The following EAF2 variants were observed in gnomAD, a reference collection of about 807,000 sequenced individuals.
EAF2 encodes ELL-associated factor 2.
EAF2 carries 29 observed loss-of-function variants against 29.4 expected under a neutral mutation model. The observed-to-expected ratio is 0.99, with a 90% CI of 0.73 to 1.35. EAF2 has a LOEUF of 1.35. Among genes scored for constraint, EAF2 ranks in the 40% most tolerant of loss-of-function variants. The pLI is 0.00. For missense variants in EAF2, 292 were observed against 312.0 expected, an observed-to-expected ratio of 0.94 and a Z score of 0.48; for synonymous variants, 103 against 102.5, an observed-to-expected ratio of 1.00 and a Z score of -0.03.
chr3:121,860,634 T>G (rs1336808779), intron 4 of EAF2, among the ~76,000 whole-genome samples: 1 of 152,190 alleles, frequency 6.6e-6, no homozygotes, highest in East Asian at 1.9e-4. Flanking sequence ...CTAGATTCAT[T>G]GATTTTTTTG....
intron 3 of EAF2, 80 bp from the exon 4 acceptor site, chr3:121,856,931 C>T: frequency 8.5e-7 from 1 of 1,176,016 alleles, no homozygotes; most frequent in African/African-American, 1.6e-5. Context: ...AATAAGTGGT[C>T]AGTTTTAGTA....
intron 2 of EAF2, among the ~76,000 whole-genome samples, chr3:121,849,106 G>T (rs775387135): frequency 6.6e-6 from 1 of 152,082 alleles, no homozygotes; most frequent in Non-Finnish European, 1.5e-5. Flanking sequence ...TAGGTTTTTT[G>T]TGGAAATGTA....
chr3:121,841,453 C>G (rs1303690282), intron 1 of EAF2, among the ~76,000 whole-genome samples: 1 of 134,478 alleles, frequency 7.4e-6, no homozygotes, highest in Non-Finnish European at 1.5e-5. Context: ...TACAGTGAGC[C>G]GAAATCGCGC....
At chr3:121,883,199 C>T (rs1321730952) in intron 5 of EAF2, among the ~76,000 whole-genome samples, 1 of 152,072 alleles carries the variant, frequency 6.6e-6, no homozygotes, top group South Asian at 2.1e-4. Context: ...ATATTATCAA[C>T]AATTTTTCTT....
At chr3:121,881,824 T>C (rs186727975) in intron 5 of EAF2, among the ~76,000 whole-genome samples, 1 of 152,280 alleles carries the variant, frequency 6.6e-6, no homozygotes, top group Admixed American at 6.5e-5. Context: ...ATTATAATTT[T>C]ATTAAAAAAT....
chr3:121,854,812 A>T lies in EAF2; in HGVS notation c.327A>T (p.Val109=). The T allele has an allele frequency of 1.3e-6, 2 of 1,562,402 alleles. No individual in the cohort carries two copies. Among genetic ancestry groups the T allele is most frequent in the South Asian group, 2.5e-5 (2 of 80,506 alleles). Residue 109 remains valine (V), a synonymous_variant, in exon 3 of 6, where the codon GTA becomes GTT. Transcript: ENST00000273668. ...AAAAACTCAGCAGCAACATCACTGT[A>T]AAAAAAACAAGGTATGTGGTTTAAT... ...RLEKLSSNIT[V]KKTRVEGSSK...
At chr3:121,867,889 T>A (rs1304001538) in intron 4 of EAF2, among the ~76,000 whole-genome samples, 1 of 152,214 alleles carries the variant, frequency 6.6e-6, no homozygotes, top group East Asian at 1.9e-4. Flanking sequence ...GTCAGGTATG[T>A]ATATTGAAAA....
chr3:121,848,007 T>C (rs1291214967), intron 2 of EAF2, among the ~76,000 whole-genome samples: 1 of 152,198 alleles, frequency 6.6e-6, no homozygotes, highest in Non-Finnish European at 1.5e-5. Context: ...CAGGTCTATA[T>C]GAGCGTTTTT....
intron 1 of EAF2, among the ~76,000 whole-genome samples, chr3:121,837,257 C>T (rs1388325135): frequency 6.6e-6 from 1 of 152,052 alleles, no homozygotes; most frequent in East Asian, 1.9e-4. Context: ...TTCTTGAGGA[C>T]AGGTTCATTT....
At chr3:121,861,346 G>A (rs1208720254) in intron 4 of EAF2, among the ~76,000 whole-genome samples, 2 of 152,116 alleles carry the variant, frequency 1.3e-5, no homozygotes, top group Non-Finnish European at 1.5e-5. Flanking sequence ...TTATGAATCT[G>A]GGTACTCCTG....
chr3:121,844,695 G>T (rs1708492653), intron 2 of EAF2, 148 bp downstream of exon 2: 2 of 445,756 alleles, frequency 4.5e-6, no homozygotes, highest in Non-Finnish European at 7.7e-6. Context: ...AACTACTTTA[G>T]GCAAAAAAAA....
chr3:121,836,811 AT>A (rs1449033771), intron 1 of EAF2: 1 of 984,408 alleles, frequency 1.0e-6, no homozygotes, highest in African/African-American at 1.7e-5. Context: ...AATAGTCTTA[AT>A]ATTAATTTTT....
Position 121,873,224 on chromosome 3 carries a change from T to C in EAF2, c.736+436T>C, listed in dbSNP as rs1709047715. ...GACACATGTTTAACATCATCTCCCATCATCTCATCACCTTCAAATTTACTT... is the reference window on the plus strand; with the variant it reads ...GACACATGTTTAACATCATCTCCCACCATCTCATCACCTTCAAATTTACTT... On this transcript the variant is annotated intron_variant, in intron 5 of 5. Coordinates refer to ENST00000273668, the MANE Select transcript of EAF2 (RefSeq NM_018456.6). 5 of 527,840 alleles carry C rather than the reference T, an allele frequency of 9.5e-6. No homozygotes were observed. The South Asian group carries it at 1.4e-4, about 15-fold the overall frequency. The allele number at this position is 527,840 out of a possible 1,614,324, so 32.7% of individuals were successfully genotyped here. A position where few individuals can be genotyped will look rare whatever the true frequency, so the allele number is the denominator to read the frequency against.
chr3:121,877,576 ATT>A (rs1709121884), intron 5 of EAF2, among the ~76,000 whole-genome samples: 1 of 151,946 alleles, frequency 6.6e-6, no homozygotes, highest in African/African-American at 2.4e-5. Flanking sequence ...TTAGACCTAA[ATT>A]TCAAAGCACA....
intron 5 of EAF2, 125 bp downstream of exon 5, chr3:121,872,913 T>G (rs1322176786): frequency 2.3e-6 from 3 of 1,329,382 alleles, no homozygotes; most frequent in Non-Finnish European, 3.1e-6. Flanking sequence ...TATTAATAAT[T>G]ACATTTTTAT....
At chr3:121,857,268 CG>C (rs1337208028) in intron 4 of EAF2, 112 bp downstream of exon 4, 69 of 874,082 alleles carry the variant, frequency 7.9e-5, no homozygotes, top group Non-Finnish European at 1.2e-4. Context: ...CCGAGGCAGG[CG>C]GATCATGAGG....
chr3:121,836,525 GT>G (rs796939119), intron 1 of EAF2: 4 of 589,712 alleles, frequency 6.8e-6, no homozygotes, highest in African/African-American at 2.0e-5. Context: ...TACTAAAAGG[GT>G]TTTTTTAAAG....
chr3:121,848,380 T>A lies in EAF2; in HGVS notation c.201+3833T>A, dbSNP rs143688023. On this transcript the variant is annotated intron_variant, in intron 2 of 5. Transcript: ENST00000273668. ...TAAGTAATTCAATGGAAATATACTT[T>A]GCTAATATTTTAATGGTATAGATCT... Among the ~76,000 whole-genome samples, 556 of 152,350 alleles carry A rather than the reference T, an allele frequency of 3.6e-3. 2 individuals are homozygous for A. Among genetic ancestry groups the A allele is most frequent in the African/African-American group, 0.013 (531 of 41,584 alleles).
intron 2 of EAF2, among the ~76,000 whole-genome samples, chr3:121,853,025 A>G (rs1001654744): frequency 6.6e-6 from 1 of 152,186 alleles, no homozygotes; most frequent in Non-Finnish European, 1.5e-5. Context: ...AGAATTGTAT[A>G]ATGAATTACA....
Sources: gnomAD v4.1 joint callset for allele counts (sites outside exome capture counted in the v4.1 genomes callset) on GRCh38, gnomAD v4.1.1 for gene constraint, MANE v1.5 for transcripts, NCBI Gene and HGNC (gene_info 2026-07-23, HGNC 2026-07-21) for gene names.